The following GTF2IRD1 variants were observed in gnomAD, a reference collection of about 807,000 sequenced individuals.
GTF2IRD1 encodes GTF2I repeat domain containing 1.
Under a neutral mutation model 113.2 loss-of-function variants are expected in GTF2IRD1, and 26 were observed. The ratio of observed to expected loss-of-function variants is 0.23; its 90% CI spans 0.17 to 0.32. GTF2IRD1 has a LOEUF of 0.32. Ranked by LOEUF, GTF2IRD1 falls within the 10% of genes least tolerant of loss-of-function variation. The pLI is 1.00. For synonymous variants in GTF2IRD1, 484 were observed against 529.1 expected, an observed-to-expected ratio of 0.91 and a Z score of 1.17; for missense variants, 864 against 1,280.8, an observed-to-expected ratio of 0.67 and a Z score of 4.97.
chr7:74,490,422 A>G (rs1554336447), intron 1 of GTF2IRD1, among the ~76,000 whole-genome samples: 1 of 151,910 alleles, frequency 6.6e-6, no homozygotes, highest in African/African-American at 2.4e-5. Flanking sequence ...CTACAGTGAC[A>G]GTGGTGGTGG....
Position 74,557,639 on chromosome 7 carries a change from A to G in GTF2IRD1, c.2024A>G (p.Glu675Gly), listed in dbSNP as rs1298467486. 6.2e-7 allele frequency: 1 copy of G among 1,612,154 alleles called. No homozygotes were observed. Among genetic ancestry groups the G allele is most frequent in the South Asian group, 1.1e-5 (1 of 90,966 alleles). ...CCCATAATCGTTTTGCGCTTTGCAGAAAATTATGACGCGAGGCTCTCACGG... is the reference window on the plus strand; with the variant it reads ...CCCATAATCGTTTTGCGCTTTGCAGGAAATTATGACGCGAGGCTCTCACGG... ...DESLKRQGFQENYDARLSRID... is the reference protein window; with the variant it reads ...DESLKRQGFQGNYDARLSRID... Residue 675 changes from glutamate (E) to glycine (G), a missense_variant and splice_region_variant, in exon 20 of 27, where the codon GAA (glutamate) becomes GGA (glycine). By Grantham distance (98) the Glu-to-Gly change is moderately conservative. Around this residue, in one of 7 missense-constraint regions of GTF2IRD1, gnomAD observed 195 missense variants for 359.1 expected, o/e 0.54. Coordinates refer to ENST00000424337, the MANE Select transcript of GTF2IRD1 (RefSeq NM_005685.4).
chr7:74,519,496 C>A lies in GTF2IRD1; in HGVS notation c.693C>A (p.Gly231=). 6.2e-7 allele frequency: 1 copy of A among 1,609,986 alleles called. No individual in the cohort carries two copies. Among genetic ancestry groups the A allele is most frequent in the Non-Finnish European group, 8.5e-7 (1 of 1,178,152 alleles). Residue 231 remains glycine, a synonymous_variant, in exon 6 of 27, where the codon GGC becomes GGA. Transcript: ENST00000424337. Reference sequence around the variant, plus strand: ...TTCCCAAGGGGTCACGGGACTGTGGCCTGCATGGCCAGGCCCCCAAGGTGC... The same window carrying A: ...TTCCCAAGGGGTCACGGGACTGTGGACTGCATGGCCAGGCCCCCAAGGTGC... ...SLIPKGSRDC[G]LHGQAPKVPP... is the part of the protein sequence containing the mutation.
intron 1 of GTF2IRD1, among the ~76,000 whole-genome samples, chr7:74,497,004 A>T (rs1019289567): frequency 6.6e-6 from 1 of 152,046 alleles, no homozygotes; most frequent in Non-Finnish European, 1.5e-5. Flanking sequence ...TCTACAAAAA[A>T]ATTTAAAATT....
chr7:74,515,513 G>A lies in GTF2IRD1; in HGVS notation c.338G>A (p.Ser113Asn). ...CAGCGGGGCGAGGGTGGAGGCCGTA[G>A]CCTCCCTCGGTCCTCCCTGGAACAT... is the stretch of plus-strand genomic sequence containing the variant. The part of the protein sequence containing the change: ...KVQRGEGGGR[S>N]LPRSSLEHGS... Residue 113 changes from serine to asparagine, a missense_variant, in exon 4 of 27, where the codon AGC becomes AAC. By Grantham distance (46) the Ser-to-Asn change is conservative. Transcript: ENST00000424337. The A allele has an allele frequency of 6.2e-7, 1 of 1,613,774 alleles. No homozygotes were observed.
chr7:74,584,672 G>A (rs1300625318), intron 22 of GTF2IRD1, among the ~76,000 whole-genome samples: 2 of 152,164 alleles, frequency 1.3e-5, no homozygotes, highest in Non-Finnish European at 2.9e-5. Context: ...GGGGAGCTAG[G>A]TGGCCTTCTA....
At position 74,602,486 on chromosome 7, in the gene GTF2IRD1, T is replaced by C; in HGVS notation, c.*53T>C. The C allele has an allele frequency of 6.8e-7, 1 of 1,477,642 alleles. No homozygotes were observed. The highest frequency in any genetic ancestry group is 9.4e-7 in the Non-Finnish European group (1 of 1,058,422). The allele number at this position is 1,477,642 out of a possible 1,614,324, so 91.5% of individuals were successfully genotyped here. A position where few individuals can be genotyped will look rare whatever the true frequency, so the allele number is the denominator to read the frequency against. ...CAGAAAGACTAAAGGAAATGTAATT[T>C]ATGTACAAAATGTATATTCGGATAT... On this transcript the variant is annotated 3_prime_UTR_variant, in exon 27 of 27. Transcript: ENST00000424337.
At chr7:74,460,560 C>G (rs1413752430) in intron 1 of GTF2IRD1, among the ~76,000 whole-genome samples, 1 of 152,038 alleles carries the variant, frequency 6.6e-6, no homozygotes, top group Non-Finnish European at 1.5e-5. Context: ...CGGGCCTCCT[C>G]CAGCCTGTGG....
At chr7:74,467,979 G>C (rs1793827409) in intron 1 of GTF2IRD1, among the ~76,000 whole-genome samples, 1 of 152,186 alleles carries the variant, frequency 6.6e-6, no homozygotes, top group Admixed American at 6.5e-5. Flanking sequence ...GTGCATGCAT[G>C]GGTGTGTATA....
intron 22 of GTF2IRD1, among the ~76,000 whole-genome samples, chr7:74,574,661 A>G (rs1297354114): frequency 1.3e-5 from 2 of 149,288 alleles, no homozygotes; most frequent in African/African-American, 5.0e-5. Context: ...GGGTTTTGCC[A>G]TGTTTCCCAG....
chr7:74,594,317 C>T (rs1802268359), intron 24 of GTF2IRD1, among the ~76,000 whole-genome samples: 1 of 151,262 alleles, frequency 6.6e-6, no homozygotes, highest in African/African-American at 2.4e-5. Flanking sequence ...GAGTTCGAGG[C>T]TGCAGTGAGC....
chr7:74,567,749 A>G (rs1248818860), intron 22 of GTF2IRD1, among the ~76,000 whole-genome samples: 5 of 151,978 alleles, frequency 3.3e-5, no homozygotes, highest in Admixed American at 1.3e-4. Context: ...AGAATGAACA[A>G]GAGTTGAGAG....
At chr7:74,550,826 C>T (rs1277125894) in intron 17 of GTF2IRD1, among the ~76,000 whole-genome samples, 7 of 150,832 alleles carry the variant, frequency 4.6e-5, no homozygotes, top group East Asian at 2.0e-4. Context: ...GCCAGGAGTT[C>T]GAGACCAGTC....
chr7:74,531,378 A>T (rs1797956118), intron 9 of GTF2IRD1, among the ~76,000 whole-genome samples: 1 of 152,182 alleles, frequency 6.6e-6, no homozygotes, highest in South Asian at 2.1e-4. Flanking sequence ...CTAAATAAAT[A>T]AATTAAACAT....
chr7:74,460,076 A>G (rs1348967096), intron 1 of GTF2IRD1, among the ~76,000 whole-genome samples: 1 of 151,646 alleles, frequency 6.6e-6, no homozygotes, highest in African/African-American at 2.4e-5. Flanking sequence ...CCCCGGCTCA[A>G]GCGATCCTTC....
At chr7:74,578,398 C>T (rs1464857945) in intron 22 of GTF2IRD1, among the ~76,000 whole-genome samples, 1 of 151,988 alleles carries the variant, frequency 6.6e-6, no homozygotes, top group East Asian at 1.9e-4. Flanking sequence ...GGATGGTCTC[C>T]ATCTCCTGAC....
intron 7 of GTF2IRD1, among the ~76,000 whole-genome samples, chr7:74,523,858 C>G (rs1337581882): frequency 1.3e-5 from 2 of 152,150 alleles, no homozygotes; most frequent in East Asian, 3.9e-4. Context: ...GTGGGAGAGG[C>G]CAGAGACAAA....
chr7:74,546,643 C>T (rs1798958247), intron 16 of GTF2IRD1, among the ~76,000 whole-genome samples: 1 of 152,212 alleles, frequency 6.6e-6, no homozygotes, highest in Non-Finnish European at 1.5e-5. Flanking sequence ...CACTCAGTGG[C>T]AGAGATCGGG....
intron 1 of GTF2IRD1, among the ~76,000 whole-genome samples, chr7:74,503,949 C>T (rs983836815): frequency 5.3e-5 from 8 of 152,024 alleles, no homozygotes; most frequent in Non-Finnish European, 7.4e-5. Flanking sequence ...TCTGTCATTC[C>T]CATCTTTATG....
chr7:74,598,569 T>A (rs1460644734), intron 25 of GTF2IRD1, among the ~76,000 whole-genome samples: 1 of 151,362 alleles, frequency 6.6e-6, no homozygotes, highest in Admixed American at 6.6e-5. Context: ...TGAGCTGAGA[T>A]CACACTACTG....
Sources: allele counts gnomAD v4.1 joint callset (sites outside exome capture counted in the v4.1 genomes callset), GRCh38; gene constraint gnomAD v4.1.1; regional missense constraint gnomAD v4.1.1; transcripts MANE v1.5; gene names NCBI Gene and HGNC (gene_info 2026-07-23, HGNC 2026-07-21).